The following TUT4 variants were observed in gnomAD, a reference collection of about 807,000 sequenced individuals.
The protein encoded by TUT4 is terminal uridylyltransferase 4.
TUT4 carries 36 observed loss-of-function variants against 192.2 expected under a neutral mutation model. The ratio of observed to expected loss-of-function variants is 0.19; its 90% CI spans 0.14 to 0.25. The LOEUF (loss-of-function observed/expected upper bound fraction) is 0.25. TUT4 is among the 10% of genes least tolerant of loss of function. The pLI, the probability that TUT4 is intolerant of heterozygous loss-of-function variation, is 1.00. For missense variants in TUT4, 1,493 were observed against 1,957.2 expected (o/e 0.76, Z 4.47); for synonymous variants, 618 against 666.0 (o/e 0.93, Z 1.11).
intron 2 of TUT4, among the ~76,000 whole-genome samples, chr1:52,520,822 C>T (rs1043190181): frequency 1.4e-4 from 22 of 151,966 alleles, no homozygotes; most frequent in African/African-American, 4.8e-4. Context: ...GATGGAGTTT[C>T]GCTCTTGGTG....
chr1:52,438,352 A>G lies in TUT4; in HGVS notation c.3823-17T>C, dbSNP rs764901069. On this transcript the variant is annotated splice_polypyrimidine_tract_variant and intron_variant, in intron 24 of 29. Coordinates refer to ENST00000257177, the MANE Select transcript of TUT4 (RefSeq NM_001009881.3). ...GAAGTACTCCTAGGGAGAAAATGCA[A>G]TTTTACTAGGAGGAATCACTATAAA... The G allele has an allele frequency of 1.9e-5, 30 of 1,565,200 alleles. No homozygotes were observed. The highest frequency in any genetic ancestry group is 2.1e-5 in the Non-Finnish European group (24 of 1,145,894).
chr1:52,490,361 G>A (rs1354357115), intron 8 of TUT4, among the ~76,000 whole-genome samples: 1 of 151,480 alleles, frequency 6.6e-6, no homozygotes, highest in Non-Finnish European at 1.5e-5. Flanking sequence ...TCACTATGTT[G>A]CCCAGGCTAG....
Position 52,423,774 on chromosome 1 carries a change from CGT to C in TUT4, c.*159_*160del. ...TTAGAATTTAAATAAGCTATCTAAA[CGT>C]GTTAAAATTTTAAATCAGGACCTGA... On this transcript the variant is annotated 3_prime_UTR_variant, in exon 30 of 30. Coordinates refer to ENST00000257177, the MANE Select transcript of TUT4 (RefSeq NM_001009881.3). The C allele has an allele frequency of 6.7e-7, 1 of 1,495,672 alleles. No individual in the cohort carries two copies. Among genetic ancestry groups the C allele is most frequent in the Non-Finnish European group, 9.0e-7 (1 of 1,107,592 alleles). 92.7% of individuals were successfully genotyped at this position (1,495,672 alleles called of 1,614,324 possible). A position where few individuals can be genotyped will look rare whatever the true frequency, so the allele number is the denominator to read the frequency against.
intron 27 of TUT4, 52 bp from the exon 28 acceptor site, chr1:52,431,512 T>C: frequency 7.8e-7 from 1 of 1,274,350 alleles, no homozygotes; most frequent in Non-Finnish European, 1.0e-6. Context: ...ATCTTAATTT[T>C]ATAAAAGTAG....
intron 1 of TUT4, among the ~76,000 whole-genome samples, chr1:52,527,290 G>A (rs1006537434): frequency 3.3e-5 from 5 of 152,232 alleles, no homozygotes; most frequent in African/African-American, 7.2e-5. Flanking sequence ...GCTCATGCCT[G>A]TAATCCCAAC....
intron 29 of TUT4, 33 bp downstream of exon 29, chr1:52,425,316 C>T (rs1258975661): frequency 6.2e-7 from 1 of 1,602,004 alleles, no homozygotes; most frequent in Non-Finnish European, 8.5e-7. Context: ...AAAACCCACC[C>T]AAGCCTGTTA....
At chr1:52,448,815 A>G (rs193207533) in intron 20 of TUT4, among the ~76,000 whole-genome samples, 40 of 152,252 alleles carry the variant, frequency 2.6e-4, no homozygotes, top group Admixed American at 1.3e-3. Flanking sequence ...CTGTTTTGAG[A>G]TAATTCATAC....
chr1:52,461,029 C>A, intron 19 of TUT4, 105 bp downstream of exon 19: 1 of 874,534 alleles, frequency 1.1e-6, no homozygotes, highest in South Asian at 2.3e-5. Flanking sequence ...TTTTTAAAAG[C>A]TCAGATAAAC....
chr1:52,467,952 A>C (rs1282589677), intron 15 of TUT4, among the ~76,000 whole-genome samples: 1 of 152,126 alleles, frequency 6.6e-6, no homozygotes, highest in Non-Finnish European at 1.5e-5. Context: ...TATACTTTTA[A>C]CAGCATGTAT....
At chr1:52,536,360 C>A (rs1684894920) in intron 1 of TUT4, among the ~76,000 whole-genome samples, 1 of 151,968 alleles carries the variant, frequency 6.6e-6, no homozygotes, top group South Asian at 2.1e-4. Context: ...CCCAAGGCAT[C>A]CACTAAGAAA....
At chr1:52,532,461 C>A (rs982333600) in intron 1 of TUT4, among the ~76,000 whole-genome samples, 1 of 151,850 alleles carries the variant, frequency 6.6e-6, no homozygotes, top group East Asian at 1.9e-4. Flanking sequence ...CAGGCACACA[C>A]GACCACACCT....
In TUT4 at chr1:52,498,268, G is replaced by C. The variant is rs568215963; in HGVS notation, c.1000-1085C>G. 6.6e-3 allele frequency among the ~76,000 whole-genome samples: 877 copies of C among 132,812 alleles called. 5 individuals carry two copies. Among genetic ancestry groups the C allele is most frequent in the African/African-American group, 0.023 (808 of 34,836 alleles). The allele number at this position is 132,812 out of a possible 152,430, so 87.1% of individuals were successfully genotyped here. A position where few individuals can be genotyped will look rare whatever the true frequency, so the allele number is the denominator to read the frequency against. ...TTTTTTTTTTTTTTTTTTTGAGACA[G>C]AGTCTCGCTGTCGCCCCGGCTGGAG... On this transcript the variant is annotated intron_variant, in intron 4 of 29. Transcript: ENST00000257177.
chr1:52,481,616 T>C lies in TUT4; in HGVS notation c.1655A>G (p.Lys552Arg), dbSNP rs752392430. ...CTTCAGCTGAAAGTCATCCATTCTT[T>C]TTGGGTCAAAGCCTTCAATCTATAT... is the stretch of plus-strand genomic sequence containing the variant. ...LGSWIEGFDP[K>R]RMDDFQLKGI... is the part of the protein sequence containing the mutation. The change falls in exon 11 of 30, where the codon AAA (lysine) becomes AGA (arginine). Residue 552 changes from lysine (K) to arginine (R), a missense_variant. Transcript: ENST00000257177. The C allele has an allele frequency of 3.1e-6, 5 of 1,613,392 alleles. No individual in the cohort carries two copies. The highest frequency in any genetic ancestry group is 3.4e-6 in the Non-Finnish European group (4 of 1,179,924).
At chr1:52,511,897 T>C (rs1677263643) in intron 3 of TUT4, among the ~76,000 whole-genome samples, 1 of 152,230 alleles carries the variant, frequency 6.6e-6, no homozygotes, top group Non-Finnish European at 1.5e-5. Flanking sequence ...GGAAAGGCTA[T>C]TGCAGTTAAC....
At chr1:52,490,603 G>A in intron 8 of TUT4, 129 bp downstream of exon 8, 1 of 598,048 alleles carries the variant, frequency 1.7e-6, no homozygotes, top group Admixed American at 3.5e-5. Flanking sequence ...TTAATGAATA[G>A]AAACTAGCTT....
Position 52,431,187 on chromosome 1 carries a change from T to C in TUT4, c.4537A>G (p.Ile1513Val). ...GGGGCACTGCCTGGTGCAGAGTGGATCACTGGGCCATGGATGGGCCAGGAC... is the reference window on the plus strand; with the variant it reads ...GGGGCACTGCCTGGTGCAGAGTGGACCACTGGGCCATGGATGGGCCAGGAC... ...APSWPIHGPV[I>V]HSAPGSAPSN... The change falls in exon 28 of 30, where the codon ATC (isoleucine) becomes GTC (valine). Residue 1513 changes from isoleucine (I) to valine (V), a missense_variant. Ile to Val is a conservative substitution (Grantham distance 29, BLOSUM62 3). Coordinates refer to ENST00000257177, the MANE Select transcript of TUT4 (RefSeq NM_001009881.3). 1 of 1,614,198 alleles carries C rather than the reference T, an allele frequency of 6.2e-7. No homozygotes were observed. Among genetic ancestry groups the C allele is most frequent in the Non-Finnish European group, 8.5e-7 (1 of 1,180,022 alleles).
At chr1:52,482,088 T>C (rs1005671236) in intron 9 of TUT4, among the ~76,000 whole-genome samples, 165 bp from the exon 10 acceptor site, 1 of 152,224 alleles carries the variant, frequency 6.6e-6, no homozygotes, top group Non-Finnish European at 1.5e-5. Context: ...CATTAAAATG[T>C]TGATGATCAT....
chr1:52,460,949 C>A (rs1662383963), intron 19 of TUT4, 185 bp downstream of exon 19: 1 of 388,978 alleles, frequency 2.6e-6, no homozygotes, highest in Non-Finnish European at 4.6e-6. Context: ...AGAATACATA[C>A]AGGAAAAAAA....
chr1:52,509,576 A>AT lies in TUT4; in HGVS notation c.999+19dup. On this transcript the variant is annotated intron_variant, in intron 4 of 29. Transcript: ENST00000257177. ...TACAACTTGAAAAATAAATAAAAGT[A>AT]TTTTTTAAAAAGAACTTACCAAAAT... 2 of 1,249,158 alleles carry AT rather than the reference A, an allele frequency of 1.6e-6. No individual in the cohort carries two copies. The highest frequency in any genetic ancestry group is 5.0e-5 in the East Asian group (2 of 39,748). The allele number at this position is 1,249,158 out of a possible 1,614,324, so 77.4% of individuals were successfully genotyped here.
Sources: allele counts gnomAD v4.1 joint callset (sites outside exome capture counted in the v4.1 genomes callset), GRCh38; gene constraint gnomAD v4.1.1; transcripts MANE v1.5; gene names NCBI Gene and HGNC (gene_info 2026-07-23, HGNC 2026-07-21).